EXOC3L2: variants seen among roughly 807,000 people sequenced by gnomAD.
The protein encoded by EXOC3L2 is exocyst complex component 3 like 2.
In EXOC3L2, 17 loss-of-function variants were observed where a neutral mutation model predicts 44.4. The observed-to-expected ratio is 0.38, with a 90% CI of 0.26 to 0.57. EXOC3L2 has a LOEUF of 0.57. Ranked by LOEUF, EXOC3L2 falls within the 20% of genes least tolerant of loss-of-function variation. The probability of loss-of-function intolerance (pLI) is 0.65; values close to 1 mark genes in which losing one functional copy is unlikely to be tolerated. For missense variants in EXOC3L2, 541 were observed against 588.4 expected (o/e 0.92, Z 0.83); for synonymous variants, 256 against 253.7 (o/e 1.01, Z -0.09).
At chr19:45,226,220 C>T (rs998355022) in intron 7 of EXOC3L2, among the ~76,000 whole-genome samples, 29 of 152,132 alleles carry the variant, frequency 1.9e-4, no homozygotes, top group African/African-American at 6.3e-4. Context: ...CTGGGTCAAG[C>T]GCCCAGTGTT....
chr19:45,224,867 G>A lies in EXOC3L2; in HGVS notation c.1630C>T (p.Pro544Ser), dbSNP rs901765202. The change falls in exon 8 of 12, where the codon CCG becomes TCG. Residue 544 changes from proline to serine, a missense_variant. Transcript: ENST00000413988. ...GCACTAGCAGATGCTTCCCGGGCCG[G>A]CTCGCTTTCTGGGGGCCCCACCCGG... ...LARVGPPESE[P>S]AREASASALD... 5 of 1,576,210 alleles carry A rather than the reference G, an allele frequency of 3.2e-6. No homozygotes were observed. In the African/African-American group the frequency reaches 6.8e-5, roughly 21 times the overall value.
intron 8 of EXOC3L2, among the ~76,000 whole-genome samples, chr19:45,223,181 A>C (rs1969916378): frequency 6.6e-6 from 1 of 152,036 alleles, no homozygotes; most frequent in African/African-American, 2.4e-5. Context: ...CGAGGTCAAG[A>C]GATCGAGACC....
At chr19:45,237,415 T>C (rs939022302) in intron 2 of EXOC3L2, among the ~76,000 whole-genome samples, 1 of 152,034 alleles carries the variant, frequency 6.6e-6, no homozygotes, top group South Asian at 2.1e-4. Context: ...GTGGGAGGAT[T>C]GCTTGAGCCC....
At chr19:45,227,606 A>G in intron 7 of EXOC3L2, 56 bp downstream of exon 7, 1 of 1,474,158 alleles carries the variant, frequency 6.8e-7, no homozygotes, top group Non-Finnish European at 9.3e-7. Context: ...CGGGCATCCC[A>G]GGTCAGCTTC....
intron 8 of EXOC3L2, among the ~76,000 whole-genome samples, chr19:45,223,336 G>A (rs868151133): frequency 6.6e-6 from 1 of 151,410 alleles, no homozygotes; most frequent in African/African-American, 2.4e-5. Context: ...GTTTGGTCTA[G>A]GGGCTTCTGT....
At chr19:45,213,652 T>C (rs1207092450) in intron 11 of EXOC3L2, among the ~76,000 whole-genome samples, 1 of 152,072 alleles carries the variant, frequency 6.6e-6, no homozygotes, top group Non-Finnish European at 1.5e-5. Context: ...GTGATTAAAA[T>C]TCACCTTCTC....
Position 45,234,447 on chromosome 19 carries a change from T to C in EXOC3L2, c.903A>G (p.Leu301=). Residue 301 remains leucine (L), a synonymous_variant, in exon 3 of 12, where the codon CTA becomes CTG. Coordinates refer to ENST00000413988, the MANE Select transcript of EXOC3L2 (RefSeq NM_001382422.1). The surrounding 1 kb of genome is among the most constrained non-coding windows in gnomAD (Gnocchi z 5.0). The part of the protein sequence containing the change: ...EAVARAARER[L]EAAAPGAPGG... ...CGGGCGCCCCGGGAGCCGCTGCCTC[T>C]AGGCGCTCCCGGGCCGCGCGCGCCA... The C allele has an allele frequency of 7.4e-6, 2 of 270,330 alleles. No individual in the cohort carries two copies. Among genetic ancestry groups the C allele is most frequent in the Non-Finnish European group, 1.4e-5 (2 of 143,452 alleles). 16.7% of individuals were successfully genotyped at this position (270,330 alleles called of 1,614,324 possible). A position where few individuals can be genotyped will look rare whatever the true frequency, so the allele number is the denominator to read the frequency against.
chr19:45,217,535 C>A lies in EXOC3L2; in HGVS notation c.1991G>T (p.Arg664Leu). Residue 664 changes from arginine (R) to leucine (L), a missense_variant, in exon 10 of 12, where the codon CGG becomes CTG. Arg to Leu is a moderately radical substitution (Grantham distance 102, BLOSUM62 -2). Coordinates refer to ENST00000413988, the MANE Select transcript of EXOC3L2 (RefSeq NM_001382422.1). ...CCGCGTCCCGACACTGACCAGCCGC[C>A]GGAACAGCCTCTGCAGTTGCGCCGC... Reference protein sequence around the residue: ...EDAAQLQRLFRRLESQASWLD... With the variant: ...EDAAQLQRLFLRLESQASWLD... The A allele has an allele frequency of 6.3e-7, 1 of 1,577,234 alleles. No homozygotes were observed.
Position 45,217,527 on chromosome 19 carries a change from C to T in EXOC3L2, c.1998+1G>A. On this transcript the variant is annotated splice_donor_variant, in intron 10 of 11. Transcript: ENST00000413988. LOFTEE classifies it high-confidence loss of function. ...ACCCCCAACCGCGTCCCGACACTGA[C>T]CAGCCGCCGGAACAGCCTCTGCAGT... The T allele has an allele frequency of 6.3e-7, 1 of 1,576,274 alleles. No homozygotes were observed.
In EXOC3L2 at chr19:45,224,762, C is replaced by T; in HGVS notation, c.1719+16G>A. The T allele has an allele frequency of 6.5e-7, 1 of 1,547,770 alleles. No individual in the cohort carries two copies. The highest frequency in any genetic ancestry group is 8.7e-7 in the Non-Finnish European group (1 of 1,145,062). ...TCCTGGCATGGGCCCCAACCCTGGCCTCCCACCTCACTCACCTGCAGCTCC... is the reference window on the plus strand; with the variant it reads ...TCCTGGCATGGGCCCCAACCCTGGCTTCCCACCTCACTCACCTGCAGCTCC... On this transcript the variant is annotated intron_variant, in intron 8 of 11. Coordinates refer to ENST00000413988, the MANE Select transcript of EXOC3L2 (RefSeq NM_001382422.1).
intron 2 of EXOC3L2, among the ~76,000 whole-genome samples, chr19:45,237,473 C>T (rs1261574898): frequency 6.6e-6 from 1 of 152,132 alleles, no homozygotes; most frequent in East Asian, 1.9e-4. Context: ...TGCACTCTAG[C>T]CTCTAGCCTG....
rs3803906 is a variant in EXOC3L2, at chr19:45,212,718, A to G, written c.*351T>C. 48,877 of 182,324 alleles carry G rather than the reference A, an allele frequency of 0.27. 8,227 individuals are homozygous for G. Among genetic ancestry groups the G allele is most frequent in the Middle Eastern group, 0.48 (222 of 460 alleles). 11.3% of individuals were successfully genotyped at this position (182,324 alleles called of 1,614,324 possible). On this transcript the variant is annotated 3_prime_UTR_variant, in exon 12 of 12. Coordinates refer to ENST00000413988, the MANE Select transcript of EXOC3L2 (RefSeq NM_001382422.1). ...CCAGTGATCCTCCAGCCTCAGCCTC[A>G]CCAGTAGCTGGGACTACAGGCACAC...
intron 10 of EXOC3L2, 103 bp downstream of exon 10, chr19:45,217,425 C>G (rs1969846753): frequency 7.4e-7 from 1 of 1,355,230 alleles, no homozygotes; most frequent in African/African-American, 1.5e-5. Flanking sequence ...AGTTTCTGTC[C>G]TGAGCTCTGC....
At chr19:45,242,745 C>G (rs1474231419) in intron 1 of EXOC3L2, among the ~76,000 whole-genome samples, 1 of 151,468 alleles carries the variant, frequency 6.6e-6, no homozygotes, top group Non-Finnish European at 1.5e-5. Flanking sequence ...GCCTGTAGTC[C>G]TAGCTACTTG....
intron 10 of EXOC3L2, 56 bp downstream of exon 10, chr19:45,217,472 G>C: frequency 6.8e-7 from 1 of 1,477,036 alleles, no homozygotes; most frequent in Non-Finnish European, 8.9e-7. Context: ...GAGATTCTCG[G>C]AAGCCAAGCC....
At position 45,214,654 on chromosome 19, in the gene EXOC3L2, G is replaced by A. The variant is rs1018104429; in HGVS notation, c.2121-1297C>T. 4.6e-5 allele frequency among the ~76,000 whole-genome samples: 7 copies of A among 151,546 alleles called. No homozygotes were observed. The South Asian group carries it at 6.3e-4, about 14-fold the overall frequency. On this transcript the variant is annotated intron_variant, in intron 11 of 11. Transcript: ENST00000413988. The stretch of plus-strand genomic sequence containing the variant: ...TAATTTTTGTATTTTTAGTAGAGAC[G>A]GTGTTTCACCATGTTGGCCAGGCTG...
At position 45,218,221 on chromosome 19, in the gene EXOC3L2, G is replaced by T; in HGVS notation, c.1818C>A (p.Arg606=). The change falls in exon 9 of 12, where the codon CGC becomes CGA. Residue 606 remains arginine (R), a synonymous_variant. Coordinates refer to ENST00000413988, the MANE Select transcript of EXOC3L2 (RefSeq NM_001382422.1). ...GTLGAQALAL[R]RMQDEPYQAL... ...CCTGGTAAGGCTCGTCCTGCATTCT[G>T]CGCAGGGCCAGGGCCTGGGCACCCA... is the stretch of plus-strand genomic sequence containing the variant. 6.6e-7 allele frequency: 1 copy of T among 1,516,050 alleles called. No individual in the cohort carries two copies. The highest frequency in any genetic ancestry group is 2.3e-4 in the Middle Eastern group (1 of 4,268). 93.9% of individuals were successfully genotyped at this position (1,516,050 alleles called of 1,614,324 possible).
intron 7 of EXOC3L2, 56 bp from the exon 8 acceptor site, chr19:45,224,969 C>T: frequency 6.8e-7 from 1 of 1,477,514 alleles, no homozygotes; most frequent in Admixed American, 2.4e-5. Flanking sequence ...GCCCAACTGC[C>T]TAGGCCTGTC....
chr19:45,240,278 AATTAATTT>A, intron 1 of EXOC3L2, among the ~76,000 whole-genome samples: 1 of 150,610 alleles, frequency 6.6e-6, no homozygotes. Flanking sequence ...TTAATTAATT[AATTAATTT>A]ATTTATTTAT....
Sources: gnomAD v4.1 joint callset for allele counts (sites outside exome capture counted in the v4.1 genomes callset) on GRCh38, gnomAD v4.1.1 for gene constraint, Gnocchi (gnomAD v3.1) non-coding constraint, MANE v1.5 for transcripts, NCBI Gene and HGNC (gene_info 2026-07-23, HGNC 2026-07-21) for gene names.